Variants in SUZ12 observed in about 807,000 individuals in gnomAD.
The protein encoded by SUZ12 is polycomb protein SUZ12.
Under a neutral mutation model 87.3 loss-of-function variants are expected in SUZ12, and 17 were observed. The observed-to-expected ratio is 0.19, with a 90% CI of 0.13 to 0.29. The LOEUF (loss-of-function observed/expected upper bound fraction) is 0.29, where lower values mean the gene tolerates loss of function less well. Among genes scored for constraint, SUZ12 ranks in the 10% least tolerant of loss-of-function variants. The pLI is 1.00. For synonymous variants in SUZ12, 253 were observed against 312.4 expected (o/e 0.81, Z 2.01); for missense variants, 526 against 912.2 (o/e 0.58, Z 5.45).
At chr17:31,981,557 C>T (rs750742769) in intron 8 of SUZ12, among the ~76,000 whole-genome samples, 11 of 152,016 alleles carry the variant, frequency 7.2e-5, no homozygotes, top group Non-Finnish European at 1.3e-4. Context: ...TAAGGAAGCT[C>T]CTTTTTGATT....
chr17:31,966,444 T>G, intron 5 of SUZ12: 2 of 365,664 alleles, frequency 5.5e-6, no homozygotes, highest in East Asian at 6.1e-5. Flanking sequence ...ACCTCCCGGG[T>G]TCAAGCGATT....
At chr17:31,963,249 A>C (rs77731353) in intron 4 of SUZ12, among the ~76,000 whole-genome samples, 23,369 of 143,778 alleles carry the variant, frequency 0.16, no homozygotes, top group African/African-American at 0.31. Flanking sequence ...GGTTCAAGTG[A>C]TTCTCCTGCC....
chr17:31,980,138 A>C (rs1909011192), intron 8 of SUZ12, among the ~76,000 whole-genome samples: 1 of 152,044 alleles, frequency 6.6e-6, no homozygotes, highest in Admixed American at 6.6e-5. Flanking sequence ...AGTTTGGGCA[A>C]CATAGCAAGA....
At chr17:31,988,224 A>G in intron 9 of SUZ12, 96 bp from the exon 10 acceptor site, 1 of 1,235,764 alleles carries the variant, frequency 8.1e-7, no homozygotes. Flanking sequence ...ATTAAGGCAA[A>G]TCCACATTGA....
intron 13 of SUZ12, 131 bp downstream of exon 13, chr17:31,994,852 G>C (rs994302459): frequency 3.3e-6 from 3 of 906,990 alleles, no homozygotes; most frequent in Admixed American, 3.2e-5. Context: ...GTGTCTATGG[G>C]GTTGTTAACT....
intron 8 of SUZ12, among the ~76,000 whole-genome samples, chr17:31,981,699 T>C (rs575108376): frequency 6.6e-6 from 1 of 152,220 alleles, no homozygotes; most frequent in African/African-American, 2.4e-5. Context: ...CAAAAATTCT[T>C]AAGTGTCAAT....
rs1905963858 is a variant in SUZ12 at position 31,937,060 on chromosome 17, G to A, written c.-187G>A. ...CTCCGAAGCGGAGCGGGGCTCTGAG[G>A]AGACACTTTTTTTTTCCTCCCTCCT... On this transcript the variant is annotated 5_prime_UTR_variant, in exon 1 of 16. Transcript: ENST00000322652. The A allele has an allele frequency of 2.0e-6, 1 of 494,378 alleles. No homozygotes were observed. Among genetic ancestry groups the A allele is most frequent in the South Asian group, 5.0e-5 (1 of 20,006 alleles). The allele number at this position is 494,378 out of a possible 1,614,324, so 30.6% of individuals were successfully genotyped here. A position where few individuals can be genotyped will look rare whatever the true frequency, so the allele number is the denominator to read the frequency against.
intron 10 of SUZ12, among the ~76,000 whole-genome samples, chr17:31,989,415 C>T (rs1406836881): frequency 1.3e-5 from 2 of 152,008 alleles, no homozygotes; most frequent in African/African-American, 4.8e-5. Flanking sequence ...TGATATGGTA[C>T]ATAGTATAGA....
chr17:31,953,861 G>A (rs1353809697), intron 4 of SUZ12, among the ~76,000 whole-genome samples: 2 of 149,554 alleles, frequency 1.3e-5, no homozygotes, highest in Admixed American at 6.7e-5. Context: ...TTATAGGCAC[G>A]CGGTGCCACT....
chr17:31,961,967 GAC>G (rs1907744534), intron 4 of SUZ12, among the ~76,000 whole-genome samples: 2 of 152,278 alleles, frequency 1.3e-5, no homozygotes, highest in Admixed American at 1.3e-4. Context: ...CTTTCTGTAA[GAC>G]ACTGCTAGGT....
At chr17:31,971,681 C>T (rs937241202) in intron 5 of SUZ12, among the ~76,000 whole-genome samples, 4 of 152,016 alleles carry the variant, frequency 2.6e-5, no homozygotes, top group Non-Finnish European at 4.4e-5. Flanking sequence ...CCACCTGCCT[C>T]GGCCTCCCTA....
At chr17:31,968,547 A>C (rs1352587096) in intron 5 of SUZ12, among the ~76,000 whole-genome samples, 1 of 152,084 alleles carries the variant, frequency 6.6e-6, no homozygotes, top group South Asian at 2.1e-4. Flanking sequence ...TAGGGTTTTT[A>C]TGTAAGAAAT....
At chr17:31,977,890 AAAAAG>A (rs764842320) in intron 8 of SUZ12, among the ~76,000 whole-genome samples, 22 of 152,238 alleles carry the variant, frequency 1.4e-4, no homozygotes, top group East Asian at 7.8e-4. Context: ...CTCTTGTCTT[AAAAAG>A]AAAAGAAAAG....
intron 9 of SUZ12, among the ~76,000 whole-genome samples, chr17:31,985,665 T>G (rs1449553692): frequency 6.6e-6 from 1 of 151,844 alleles, no homozygotes; most frequent in Admixed American, 6.6e-5. Context: ...GTTTTTTTTT[T>G]GTTTGTTTTG....
At chr17:31,972,398 T>C (rs1598170860) in intron 5 of SUZ12, among the ~76,000 whole-genome samples, 1 of 150,322 alleles carries the variant, frequency 6.7e-6, no homozygotes, top group East Asian at 1.9e-4. Context: ...TATATATATA[T>C]ATATATAAAT....
chr17:31,962,458 T>G, intron 4 of SUZ12, among the ~76,000 whole-genome samples: 1 of 151,896 alleles, frequency 6.6e-6, no homozygotes, highest in South Asian at 2.1e-4. Context: ...GGCATGATGG[T>G]GCATGCCTAT....
intron 4 of SUZ12, among the ~76,000 whole-genome samples, chr17:31,960,309 T>G (rs1219599136): frequency 6.6e-6 from 1 of 150,750 alleles, no homozygotes; most frequent in Non-Finnish European, 1.5e-5. Context: ...CTCCCAGGTT[T>G]AAGCGATTCT....
intron 4 of SUZ12, among the ~76,000 whole-genome samples, chr17:31,954,131 C>T (rs1199348594): frequency 1.3e-5 from 2 of 152,000 alleles, no homozygotes; most frequent in Admixed American, 1.3e-4. Flanking sequence ...GGTGCCATCT[C>T]GGCTCACTGC....
At chr17:31,944,696 T>C (rs1906516622) in intron 3 of SUZ12, among the ~76,000 whole-genome samples, 1 of 152,156 alleles carries the variant, frequency 6.6e-6, no homozygotes, top group Non-Finnish European at 1.5e-5. Context: ...GCATGGTGTT[T>C]CAGACCTGTA....
Sources: allele counts gnomAD v4.1 joint callset (sites outside exome capture counted in the v4.1 genomes callset), GRCh38; gene constraint gnomAD v4.1.1; transcripts MANE v1.5; gene names NCBI Gene and HGNC (gene_info 2026-07-23, HGNC 2026-07-21).